The following DMRT1 variants were observed in gnomAD, a reference collection of about 807,000 sequenced individuals.
DMRT1 encodes doublesex and mab-3 related transcription factor 1.
Under a neutral mutation model 32.3 loss-of-function variants are expected in DMRT1, and 7 were observed. The ratio of observed to expected loss-of-function variants is 0.22; its 90% CI spans 0.12 to 0.41. DMRT1 has a LOEUF of 0.41. Among genes scored for constraint, DMRT1 ranks in the 10% least tolerant of loss-of-function variants. The probability of loss-of-function intolerance (pLI) is 1.00; values close to 1 mark genes in which losing one functional copy is unlikely to be tolerated. For missense variants in DMRT1, 625 were observed against 500.5 expected, an observed-to-expected ratio of 1.25 and a Z score of -2.37; for synonymous variants, 278 against 206.1, an observed-to-expected ratio of 1.35 and a Z score of -2.99.
intron 4 of DMRT1, among the ~76,000 whole-genome samples, chr9:932,978 T>C (rs1818774644): frequency 6.6e-6 from 1 of 151,994 alleles, no homozygotes; most frequent in Admixed American, 6.6e-5. Flanking sequence ...AATGGCGTGA[T>C]CTTGGCCCAC....
intron 2 of DMRT1, among the ~76,000 whole-genome samples, chr9:858,495 G>C (rs545424647): frequency 3.4e-4 from 52 of 151,856 alleles, no homozygotes; most frequent in African/African-American, 1.2e-3. Context: ...GGAGTCTTGT[G>C]AATGCCTTTT....
intron 4 of DMRT1, among the ~76,000 whole-genome samples, chr9:932,757 C>T (rs921481521): frequency 2.0e-5 from 3 of 152,114 alleles, no homozygotes; most frequent in African/African-American, 7.2e-5. Context: ...TACAATCCCC[C>T]TTTTGGTCCA....
At chr9:938,181 G>A (rs1486211195) in intron 4 of DMRT1, among the ~76,000 whole-genome samples, 1 of 152,094 alleles carries the variant, frequency 6.6e-6, no homozygotes, top group Non-Finnish European at 1.5e-5. Context: ...TGCAGCTTTT[G>A]TAGTGAGTTT....
At chr9:934,777 A>G (rs1448258747) in intron 4 of DMRT1, among the ~76,000 whole-genome samples, 2 of 152,222 alleles carry the variant, frequency 1.3e-5, no homozygotes, top group Non-Finnish European at 1.5e-5. Flanking sequence ...TCTTGGTGCC[A>G]AGAGGACAAA....
chr9:898,327 C>G (rs1275949156), intron 3 of DMRT1, among the ~76,000 whole-genome samples: 1 of 152,130 alleles, frequency 6.6e-6, no homozygotes, highest in Non-Finnish European at 1.5e-5. Flanking sequence ...ACCATGTTGT[C>G]CAGGCTGTTC....
chr9:949,545 G>C (rs1819363278), intron 4 of DMRT1, among the ~76,000 whole-genome samples: 1 of 152,150 alleles, frequency 6.6e-6, no homozygotes, highest in East Asian at 1.9e-4. Context: ...GTTTCTTACT[G>C]TCTGCTTTAT....
chr9:881,543 C>T (rs1356378073), intron 2 of DMRT1, among the ~76,000 whole-genome samples: 3 of 152,228 alleles, frequency 2.0e-5, no homozygotes, highest in African/African-American at 4.8e-5. Flanking sequence ...TTGCTACCTT[C>T]TGTCCAGCTC....
At position 966,852 on chromosome 9, in the gene DMRT1, T is replaced by C. The variant is rs10977854; in HGVS notation, c.968-1133T>C. ...AGTGCAGCTTCTACTATGATTTAGT[T>C]CTCTACAAATGACTTCAGCACTCAG... is the stretch of plus-strand genomic sequence containing the variant. On this transcript the variant is annotated intron_variant, in intron 4 of 4. Coordinates refer to ENST00000382276, the MANE Select transcript of DMRT1 (RefSeq NM_021951.3). 4.7e-3 allele frequency among the ~76,000 whole-genome samples: 710 copies of C among 152,354 alleles called. 4 individuals are homozygous for C. The highest frequency in any genetic ancestry group is 0.016 in the African/African-American group (664 of 41,568).
rs907028972 is a variant in DMRT1, at chr9:930,515, C to T, written c.967+13608C>T. On this transcript the variant is annotated intron_variant, in intron 4 of 4. Coordinates refer to ENST00000382276, the MANE Select transcript of DMRT1 (RefSeq NM_021951.3). ...CAAGCTCCGCCTCTCGGGTTCATGC[C>T]ATTCTGCCTCAGCCTCCTGAGTAGC... Among the ~76,000 whole-genome samples, 20 of 151,852 alleles carry T rather than the reference C, an allele frequency of 1.3e-4. 1 individual carries two copies. Among genetic ancestry groups the T allele is most frequent in the Admixed American group, 1.1e-3 (17 of 15,230 alleles).
intron 3 of DMRT1, among the ~76,000 whole-genome samples, chr9:916,025 G>A (rs1194022343): frequency 1.3e-5 from 2 of 152,128 alleles, no homozygotes; most frequent in African/African-American, 2.4e-5. Flanking sequence ...GAGCCACTGC[G>A]TCCAGCCTAT....
chr9:932,098 A>T (rs150482532), intron 4 of DMRT1, among the ~76,000 whole-genome samples: 1 of 152,172 alleles, frequency 6.6e-6, no homozygotes, highest in African/African-American at 2.4e-5. Flanking sequence ...CGCAGTGGTC[A>T]CTCACACCCC....
At chr9:904,476 G>A (rs2129695559) in intron 3 of DMRT1, among the ~76,000 whole-genome samples, 1 of 152,108 alleles carries the variant, frequency 6.6e-6, no homozygotes, top group East Asian at 1.9e-4. Flanking sequence ...ATAGAAATAG[G>A]ATAGAAAAAA....
chr9:873,099 T>A (rs1390464806), intron 2 of DMRT1, among the ~76,000 whole-genome samples: 1 of 152,188 alleles, frequency 6.6e-6, no homozygotes, highest in Non-Finnish European at 1.5e-5. Flanking sequence ...AAATTAACCA[T>A]CACACCATCC....
At chr9:844,881 C>T (rs935625115) in intron 1 of DMRT1, among the ~76,000 whole-genome samples, 22 of 152,088 alleles carry the variant, frequency 1.4e-4, no homozygotes, top group East Asian at 1.2e-3. Context: ...CCACCACACC[C>T]GGTTAATTTT....
chr9:912,482 A>G (rs929001776), intron 3 of DMRT1, among the ~76,000 whole-genome samples: 2 of 152,232 alleles, frequency 1.3e-5, no homozygotes, highest in Admixed American at 1.3e-4. Context: ...CTATTTCCTA[A>G]TAGTTCTTTT....
intron 3 of DMRT1, among the ~76,000 whole-genome samples, chr9:904,395 C>T (rs927340153): frequency 6.6e-6 from 1 of 152,188 alleles, no homozygotes; most frequent in Non-Finnish European, 1.5e-5. Context: ...CTTAAGTGTT[C>T]CTCATCATTT....
intron 2 of DMRT1, among the ~76,000 whole-genome samples, chr9:869,498 G>C (rs970714187): frequency 6.6e-6 from 1 of 152,036 alleles, no homozygotes. Context: ...CCTAGTTGTT[G>C]TCTCTAGTGA....
chr9:935,664 A>G (rs1818862677), intron 4 of DMRT1, among the ~76,000 whole-genome samples: 1 of 152,244 alleles, frequency 6.6e-6, no homozygotes, highest in South Asian at 2.1e-4. Context: ...GTTCATTTTC[A>G]TGAATCAGTG....
At chr9:881,256 G>C (rs1036572288) in intron 2 of DMRT1, among the ~76,000 whole-genome samples, 1 of 152,190 alleles carries the variant, frequency 6.6e-6, no homozygotes, top group Non-Finnish European at 1.5e-5. Context: ...AAATTTACAA[G>C]ACAAATGCCT....
Sources: allele counts gnomAD v4.1 joint callset (sites outside exome capture counted in the v4.1 genomes callset), GRCh38; gene constraint gnomAD v4.1.1; transcripts MANE v1.5; gene names NCBI Gene and HGNC (gene_info 2026-07-23, HGNC 2026-07-21).